The following EPHA6 variants were observed in gnomAD, a reference collection of about 807,000 sequenced individuals.
The protein encoded by EPHA6 is EPH receptor A6, also known as ephrin type-A receptor 6.
A neutral mutation model predicts 112.0 loss-of-function variants in EPHA6; 50 were observed. That is an observed-to-expected ratio of 0.45 (90% confidence interval 0.36 to 0.56). EPHA6 has a LOEUF of 0.56. EPHA6 is among the 20% of genes least tolerant of loss of function. The probability of loss-of-function intolerance (pLI) is 0.00; values close to 1 mark genes in which losing one functional copy is unlikely to be tolerated. For synonymous variants in EPHA6, 529 were observed against 490.7 expected (o/e 1.08, Z -1.03); for missense variants, 1,280 against 1,417.4 (o/e 0.90, Z 1.56).
intron 5 of EPHA6, among the ~76,000 whole-genome samples, chr3:97,264,120 G>T (rs1173076519): frequency 6.6e-6 from 1 of 152,146 alleles, no homozygotes; most frequent in African/African-American, 2.4e-5. Context: ...AGGATCTTTG[G>T]GGTGTCACTT....
intron 2 of EPHA6, among the ~76,000 whole-genome samples, chr3:96,968,757 T>C (rs2042216456): frequency 6.6e-6 from 1 of 151,904 alleles, no homozygotes; most frequent in African/African-American, 2.4e-5. Context: ...GGGATAGATT[T>C]TTTCCTTGAA....
intron 6 of EPHA6, among the ~76,000 whole-genome samples, chr3:97,447,445 G>T (rs6794260): frequency 0.27 from 40,417 of 152,004 alleles, 9,862 homozygotes; most frequent in African/African-American, 0.64. Flanking sequence ...AATCTCTAGG[G>T]TTTTTATGAG....
intron 5 of EPHA6, among the ~76,000 whole-genome samples, chr3:97,330,167 A>T (rs1234115039): frequency 6.6e-6 from 1 of 151,702 alleles, no homozygotes; most frequent in East Asian, 1.9e-4. Flanking sequence ...GTTCTGTTCC[A>T]TTGGTCTATA....
chr3:97,470,957 G>T (rs1219075938), intron 7 of EPHA6, among the ~76,000 whole-genome samples: 1 of 151,594 alleles, frequency 6.6e-6, no homozygotes, highest in Non-Finnish European at 1.5e-5. Flanking sequence ...GGACAAGTTT[G>T]CTTTCAACAG....
chr3:97,589,191 G>A (rs941405727), intron 11 of EPHA6, among the ~76,000 whole-genome samples: 18 of 149,726 alleles, frequency 1.2e-4, no homozygotes, highest in Admixed American at 4.7e-4. Flanking sequence ...ATGATCTCTC[G>A]TTAGTGTTAG....
At chr3:97,500,016 A>G (rs2092076907) in intron 10 of EPHA6, among the ~76,000 whole-genome samples, 2 of 152,196 alleles carry the variant, frequency 1.3e-5, no homozygotes. Context: ...GCACGAACAC[A>G]TTGTACAGCT....
intron 5 of EPHA6, among the ~76,000 whole-genome samples, chr3:97,308,502 A>C (rs2108745658): frequency 6.6e-6 from 1 of 151,832 alleles, no homozygotes; most frequent in South Asian, 2.1e-4. Context: ...TGTTGTTGTC[A>C]ATTCACATAT....
At chr3:97,393,387 A>C (rs2086527259) in intron 5 of EPHA6, among the ~76,000 whole-genome samples, 1 of 151,900 alleles carries the variant, frequency 6.6e-6, no homozygotes, top group African/African-American at 2.4e-5. Context: ...TACTGAAAAC[A>C]GCAGCTAAAG....
At chr3:97,123,203 G>A (rs76013723) in intron 3 of EPHA6, among the ~76,000 whole-genome samples, 1 of 151,924 alleles carries the variant, frequency 6.6e-6, no homozygotes, top group South Asian at 2.1e-4. Context: ...ACTATTATTC[G>A]TGTTAAACTT....
intron 2 of EPHA6, among the ~76,000 whole-genome samples, chr3:96,942,098 A>G (rs138367006): frequency 0.069 from 10,517 of 152,170 alleles, 709 homozygotes; most frequent in Admixed American, 0.21. Context: ...CCATTCTCAG[A>G]TCTCCAGCTG....
chr3:97,237,171 T>A (rs368596305), intron 4 of EPHA6, among the ~76,000 whole-genome samples: 3 of 148,064 alleles, frequency 2.0e-5, no homozygotes, highest in African/African-American at 7.7e-5. Context: ...AGTTTGTTTT[T>A]TTTGTTTTTG....
chr3:96,927,475 T>C (rs2040098785), intron 2 of EPHA6, among the ~76,000 whole-genome samples: 1 of 152,242 alleles, frequency 6.6e-6, no homozygotes, highest in South Asian at 2.1e-4. Flanking sequence ...ATGTTTTTAC[T>C]CTTTTCTTTT....
intron 5 of EPHA6, among the ~76,000 whole-genome samples, chr3:97,342,151 G>A (rs958144289): frequency 2.6e-5 from 4 of 152,036 alleles, no homozygotes; most frequent in African/African-American, 9.7e-5. Context: ...TTTTACTTTC[G>A]AATTTTCATA....
At chr3:97,652,498 C>A (rs1258306498) in intron 14 of EPHA6, among the ~76,000 whole-genome samples, 1 of 152,044 alleles carries the variant, frequency 6.6e-6, no homozygotes, top group Non-Finnish European at 1.5e-5. Flanking sequence ...TATCCTTGGA[C>A]ACTTAAGTTT....
In EPHA6 at chr3:97,448,549, C is replaced by CT. The variant is rs1431434033; in HGVS notation, c.1732-12dup. On this transcript the variant is annotated intron_variant, in intron 6 of 17. Transcript: ENST00000389672. ...ATAACTCTGTTTCATTTCCTTTCTC[C>CT]TTTTTTTCTGTCCCCCAGGAACATG... 6.2e-7 allele frequency: 1 copy of CT among 1,611,432 alleles called. No individual in the cohort carries two copies. Among genetic ancestry groups the CT allele is most frequent in the African/African-American group, 1.3e-5 (1 of 74,800 alleles).
At chr3:97,280,123 A>T (rs972217445) in intron 5 of EPHA6, among the ~76,000 whole-genome samples, 3 of 152,188 alleles carry the variant, frequency 2.0e-5, no homozygotes, top group Non-Finnish European at 2.9e-5. Flanking sequence ...ACCTAAAGTG[A>T]TCCACCCGCC....
Position 97,749,833 on chromosome 3 carries a change from A to G in EPHA6, c.*1132A>G, listed in dbSNP as rs556374897. 5.3e-5 allele frequency among the ~76,000 whole-genome samples: 8 copies of G among 152,316 alleles called. No homozygotes were observed. In the South Asian group the frequency reaches 1.7e-3, roughly 32 times the overall value. ...TTATGTTTTCTTTGCAAAAATAGTT[A>G]CATGAACATGCTGAGCTCTTTTCGA... On this transcript the variant is annotated 3_prime_UTR_variant, in exon 18 of 18. Coordinates refer to ENST00000389672, the MANE Select transcript of EPHA6 (RefSeq NM_001080448.3).
At chr3:97,635,753 T>C (rs952381754) in intron 13 of EPHA6, among the ~76,000 whole-genome samples, 1 of 152,064 alleles carries the variant, frequency 6.6e-6, no homozygotes, top group Non-Finnish European at 1.5e-5. Flanking sequence ...ACTCCGTGAA[T>C]AAGGTAAAAA....
At chr3:96,880,568 A>G (rs905404679) in intron 2 of EPHA6, among the ~76,000 whole-genome samples, 20 of 152,152 alleles carry the variant, frequency 1.3e-4, no homozygotes, top group African/African-American at 4.8e-4. Flanking sequence ...AAAATTGACC[A>G]TTTTAAAGTG....
Sources: allele counts gnomAD v4.1 joint callset (sites outside exome capture counted in the v4.1 genomes callset), GRCh38; gene constraint gnomAD v4.1.1; transcripts MANE v1.5; gene names NCBI Gene and HGNC (gene_info 2026-07-23, HGNC 2026-07-21).